Variants in ANKRD16 observed in about 807,000 individuals in gnomAD.
ANKRD16 encodes the protein ankyrin repeat domain 16, also known as ankyrin repeat domain-containing protein 16.
ANKRD16 carries 35 observed loss-of-function variants against 37.9 expected under a neutral mutation model. The observed-to-expected ratio is 0.92, with a 90% CI of 0.71 to 1.23. The LOEUF (loss-of-function observed/expected upper bound fraction) is 1.23, where lower values mean the gene tolerates loss of function less well. ANKRD16 is among the 50% of genes most tolerant of loss of function. ANKRD16 has a pLI of 0.00. For synonymous variants in ANKRD16, 206 were observed against 197.2 expected (o/e 1.04, Z -0.37); for missense variants, 480 against 469.9 (o/e 1.02, Z -0.20).
intron 2 of ANKRD16, 140 bp downstream of exon 2, chr10:5,887,707 C>CCCCA: frequency 1.0e-5 from 2 of 191,100 alleles, no homozygotes; most frequent in Non-Finnish European, 2.1e-5. Flanking sequence ...CCCCTCCCCC[C>CCCCA]CAGATGTTCT....
chr10:5,869,043 G>A lies in ANKRD16; in HGVS notation c.*34-6352C>T, dbSNP rs1280412367. Among the ~76,000 whole-genome samples, 1 of 152,044 alleles carries A rather than the reference G, an allele frequency of 6.6e-6. No homozygotes were observed. Among genetic ancestry groups the A allele is most frequent in the Non-Finnish European group, 1.5e-5 (1 of 67,988 alleles). ...TTTGAATGTGGCCCAACACAAATTT[G>A]TAAATTTTCTTAAAACATTGAGATG... On this transcript the variant is annotated intron_variant, in intron 7 of 7. Transcript: ENST00000380094. The surrounding 1 kb of genome is among the most constrained non-coding windows in gnomAD (Gnocchi z 4.0).
rs577111637 is a variant in ANKRD16, at chr10:5,873,950, T to C, written c.*33+4147A>G. ...GCTCTGTTGCCAGGCTGGAGTGCAG[T>C]GGTGATCTTGGTTCACTGCAACCTC... On this transcript the variant is annotated intron_variant, in intron 7 of 7. Coordinates refer to ENST00000380094, the MANE Select transcript of ANKRD16 (RefSeq NM_019046.3). Among the ~76,000 whole-genome samples, 185 of 151,974 alleles carry C rather than the reference T, an allele frequency of 1.2e-3. 1 individual carries two copies. The highest frequency in any genetic ancestry group is 2.3e-3 in the Non-Finnish European group (159 of 68,004).
intron 7 of ANKRD16, among the ~76,000 whole-genome samples, chr10:5,875,317 C>T (rs373052010): frequency 1.3e-5 from 2 of 152,134 alleles, no homozygotes; most frequent in African/African-American, 2.4e-5. Context: ...GGGCTTTTAT[C>T]GCCCATTCAT....
intron 1 of ANKRD16, 83 bp downstream of exon 1, chr10:5,888,958 C>A: frequency 7.2e-7 from 1 of 1,383,948 alleles, no homozygotes; most frequent in South Asian, 1.5e-5. Context: ...GCTACGGTGT[C>A]CAAGGGGACG....
In ANKRD16 at chr10:5,880,312, TC is replaced by T; in HGVS notation, c.913del (p.Glu305LysfsTer27). 1 of 1,601,768 alleles carries T rather than the reference TC, an allele frequency of 6.2e-7. No homozygotes were observed. Among genetic ancestry groups the T allele is most frequent in the East Asian group, 2.3e-5 (1 of 44,436 alleles). The part of the protein sequence containing the change: ...SLGADINSKD[E>X]KNRSALHLAC... ...TTAAACGGTACCTGATCGATTTTTT[TC>T]ATCTTTAGAATTGATGTCAGCTCCC... On this transcript the variant is annotated frameshift_variant, in exon 6 of 8. Coordinates refer to ENST00000380094, the MANE Select transcript of ANKRD16 (RefSeq NM_019046.3). LOFTEE classifies it high-confidence loss of function.
rs1211662837 is a variant in ANKRD16, at chr10:5,878,081, G to A, written c.*33+16C>T. ...GCTGAATCTGTGACTGACTTAAGAAGCAGGATATGAATTACCATGCACTTT... is the reference window on the plus strand; with the variant it reads ...GCTGAATCTGTGACTGACTTAAGAAACAGGATATGAATTACCATGCACTTT... On this transcript the variant is annotated intron_variant, in intron 7 of 7. Coordinates refer to ENST00000380094, the MANE Select transcript of ANKRD16 (RefSeq NM_019046.3). This position sits in a 1 kb window ranked among gnomAD's most constrained non-coding sequence, Gnocchi z 5.1. 6.4e-7 allele frequency: 1 copy of A among 1,573,778 alleles called. No homozygotes were observed. Among genetic ancestry groups the A allele is most frequent in the South Asian group, 1.2e-5 (1 of 85,068 alleles).
rs984014850 is a variant in ANKRD16 at position 5,889,784 on chromosome 10, T to G, written c.-430A>C. ...GCCGCTACACCGCAAAGCCCCAAAG[T>G]GGAGGGTCCGGGAGGGCGCGCACAG... On this transcript the variant is annotated 5_prime_UTR_variant, in exon 1 of 8. Transcript: ENST00000380094. The G allele has an allele frequency of 6.4e-6, 1 of 156,150 alleles. No homozygotes were observed. The highest frequency in any genetic ancestry group is 1.4e-5 in the Non-Finnish European group (1 of 71,036). The allele number at this position is 156,150 out of a possible 1,614,324, so 9.7% of individuals were successfully genotyped here.
Position 5,863,920 on chromosome 10 carries a change from A to C in ANKRD16, c.*34-1229T>G, listed in dbSNP as rs1304387555. 6.6e-6 allele frequency among the ~76,000 whole-genome samples: 1 copy of C among 152,006 alleles called. No individual in the cohort carries two copies. Among genetic ancestry groups the C allele is most frequent in the Non-Finnish European group, 1.5e-5 (1 of 68,008 alleles). ...CATTTTGGCGACCCAGATGGGAAAC[A>C]CTCAGGCATCAACAGGCTCACCCTT... On this transcript the variant is annotated intron_variant, in intron 7 of 7. Transcript: ENST00000380094. The surrounding 1 kb of genome is among the most constrained non-coding windows in gnomAD (Gnocchi z 4.7).
chr10:5,881,742 C>T (rs1265287636), intron 5 of ANKRD16, among the ~76,000 whole-genome samples: 4 of 146,088 alleles, frequency 2.7e-5, no homozygotes, highest in African/African-American at 7.6e-5. Context: ...GGCTGGAGTG[C>T]GGTGGTGCGA....
Position 5,864,091 on chromosome 10 carries a change from C to G in ANKRD16, c.*34-1400G>C, listed in dbSNP as rs1841980921. Among the ~76,000 whole-genome samples, 1 of 152,128 alleles carries G rather than the reference C, an allele frequency of 6.6e-6. No homozygotes were observed. Among genetic ancestry groups the G allele is most frequent in the Admixed American group, 6.5e-5 (1 of 15,268 alleles). ...CCTGAGGGAAGTATAAATTACAATA[C>G]TATCCTGCAGCTTGACCTTTTCTGT... On this transcript the variant is annotated intron_variant, in intron 7 of 7. Coordinates refer to ENST00000380094, the MANE Select transcript of ANKRD16 (RefSeq NM_019046.3). This position sits in a 1 kb window ranked among gnomAD's most constrained non-coding sequence, Gnocchi z 4.4.
At chr10:5,875,442 T>C (rs1257554005) in intron 7 of ANKRD16, among the ~76,000 whole-genome samples, 6 of 152,228 alleles carry the variant, frequency 3.9e-5, no homozygotes, top group South Asian at 4.1e-4. Flanking sequence ...CATTTGCTAA[T>C]AGCAAATGCT....
At position 5,862,239 on chromosome 10, in the gene ANKRD16, G is replaced by C; in HGVS notation, c.*486C>G. The C allele has an allele frequency of 2.9e-6, 1 of 347,568 alleles. No homozygotes were observed. Among genetic ancestry groups the C allele is most frequent in the Non-Finnish European group, 5.6e-6 (1 of 177,130 alleles). The allele number at this position is 347,568 out of a possible 1,614,324, so 21.5% of individuals were successfully genotyped here. A position where few individuals can be genotyped will look rare whatever the true frequency, so the allele number is the denominator to read the frequency against. ...TTTAATGGTTCCAGAGAGTTCTCTG[G>C]CTAAAGACTGCTGCTGCATCTGTTA... On this transcript the variant is annotated 3_prime_UTR_variant, in exon 8 of 8. Coordinates refer to ENST00000380094, the MANE Select transcript of ANKRD16 (RefSeq NM_019046.3). This position sits in a 1 kb window ranked among gnomAD's most constrained non-coding sequence, Gnocchi z 6.5.
rs1052223244 is a variant in ANKRD16 at position 5,871,826 on chromosome 10, A to G, written c.*33+6271T>C. Among the ~76,000 whole-genome samples the G allele has an allele frequency of 2.0e-5, 3 of 149,638 alleles. No individual in the cohort carries two copies. Among genetic ancestry groups the G allele is most frequent in the African/African-American group, 7.4e-5 (3 of 40,592 alleles). On this transcript the variant is annotated intron_variant, in intron 7 of 7. Transcript: ENST00000380094. This position sits in a 1 kb window ranked among gnomAD's most constrained non-coding sequence, Gnocchi z 4.5. The stretch of plus-strand genomic sequence containing the variant: ...ATGCCACATGCTCATCCCCTCACTC[A>G]CCCTCTCGGAGAAAACTACTGTCCT...
rs1350436877 is a variant in ANKRD16, at chr10:5,866,198, G to A, written c.*34-3507C>T. 2.6e-5 allele frequency among the ~76,000 whole-genome samples: 4 copies of A among 152,120 alleles called. No homozygotes were observed. Among genetic ancestry groups the A allele is most frequent in the African/African-American group, 4.8e-5 (2 of 41,412 alleles). On this transcript the variant is annotated intron_variant, in intron 7 of 7. Coordinates refer to ENST00000380094, the MANE Select transcript of ANKRD16 (RefSeq NM_019046.3). This position sits in a 1 kb window ranked among gnomAD's most constrained non-coding sequence, Gnocchi z 4.3. ...AGGGACCAGTGCTTCAAATACATAC[G>A]TGTGCGGCCCTCAACCCTGCCACTT...
chr10:5,888,066 T>A lies in ANKRD16; in HGVS notation c.316A>T (p.Thr106Ser). Residue 106 changes from threonine to serine, a missense_variant and splice_region_variant, in exon 2 of 8, where the codon ACT (threonine) becomes TCT (serine). Coordinates refer to ENST00000380094, the MANE Select transcript of ANKRD16 (RefSeq NM_019046.3). Reference sequence around the variant, plus strand: ...CTTGTGCAGGCCATCATCAGAGGAGTCCTAAGGCCAACCAGGAGAAGCTGT... The same window carrying A: ...CTTGTGCAGGCCATCATCAGAGGAGACCTAAGGCCAACCAGGAGAAGCTGT... ...AVDCLKKADW[T>S]PLMMACTRKN... 6.2e-7 allele frequency: 1 copy of A among 1,613,270 alleles called. No homozygotes were observed. Among genetic ancestry groups the A allele is most frequent in the Non-Finnish European group, 8.5e-7 (1 of 1,179,496 alleles).
chr10:5,877,119 CTTTTTTT>C (rs78090804), intron 7 of ANKRD16, among the ~76,000 whole-genome samples: 3 of 151,018 alleles, frequency 2.0e-5, no homozygotes, highest in African/African-American at 4.9e-5. Flanking sequence ...TTCTTTTTTT[CTTTTTTT>C]TTTTGAGACG....
At chr10:5,877,620 C>T (rs1174553348) in intron 7 of ANKRD16, among the ~76,000 whole-genome samples, 1 of 152,128 alleles carries the variant, frequency 6.6e-6, no homozygotes. Context: ...CAAAAGTGAA[C>T]CATTGTAATG....
chr10:5,883,868 G>T, intron 4 of ANKRD16, 101 bp downstream of exon 4: 1 of 985,736 alleles, frequency 1.0e-6, no homozygotes, highest in Non-Finnish European at 1.5e-6. Context: ...GAGGGGCTGG[G>T]GAATGGAACC....
rs548669055 is a variant in ANKRD16, at chr10:5,868,708, T to A, written c.*34-6017A>T. Among the ~76,000 whole-genome samples the A allele has an allele frequency of 1.3e-5, 2 of 152,284 alleles. No homozygotes were observed. The highest frequency in any genetic ancestry group is 4.1e-4 in the South Asian group (2 of 4,820). ...TTGTTCTTTTGCTCTTCATAACAAA[T>A]CTTGCTGCTACTCACTCTTTGGGCC... On this transcript the variant is annotated intron_variant, in intron 7 of 7. Coordinates refer to ENST00000380094, the MANE Select transcript of ANKRD16 (RefSeq NM_019046.3). This position sits in a 1 kb window ranked among gnomAD's most constrained non-coding sequence, Gnocchi z 4.9.
Sources: allele counts gnomAD v4.1 joint callset (sites outside exome capture counted in the v4.1 genomes callset), GRCh38; gene constraint gnomAD v4.1.1; non-coding constraint Gnocchi (gnomAD v3.1); transcripts MANE v1.5; gene names NCBI Gene and HGNC (gene_info 2026-07-23, HGNC 2026-07-21).